XYLT1: variants seen among roughly 807,000 people sequenced by gnomAD.
XYLT1 encodes beta-D-xylosyltransferase 1.
In XYLT1, 36 loss-of-function variants were observed where a neutral mutation model predicts 91.3. The observed-to-expected ratio is 0.39, with a 90% confidence interval of 0.30 to 0.52. The LOEUF is 0.52. Ranked by LOEUF, XYLT1 falls within the 20% of genes least tolerant of loss-of-function variation. XYLT1 has a pLI of 0.68. For synonymous variants in XYLT1, 588 were observed against 532.0 expected (o/e 1.11, Z -1.45); for missense variants, 1,242 against 1,284.5 (o/e 0.97, Z 0.51).
At chr16:17,412,175 C>T (rs1330389584) in intron 1 of XYLT1, among the ~76,000 whole-genome samples, 4 of 152,080 alleles carry the variant, frequency 2.6e-5, no homozygotes, top group South Asian at 2.1e-4. Context: ...CCCCCAAAAA[C>T]GCTCCGCACA....
chr16:17,437,149 C>G (rs2036469041), intron 1 of XYLT1, among the ~76,000 whole-genome samples: 1 of 152,104 alleles, frequency 6.6e-6, no homozygotes, highest in Non-Finnish European at 1.5e-5. Flanking sequence ...GTCTGAGGCT[C>G]TCAGTCCTTA....
intron 5 of XYLT1, among the ~76,000 whole-genome samples, chr16:17,187,237 C>CA (rs2032203773): frequency 6.6e-6 from 1 of 150,984 alleles, no homozygotes; most frequent in Non-Finnish European, 1.5e-5. Flanking sequence ...ACTAAAAAGA[C>CA]AAAAAAATTA....
chr16:17,279,684 T>C (rs2042490569), intron 2 of XYLT1, among the ~76,000 whole-genome samples: 1 of 152,194 alleles, frequency 6.6e-6, no homozygotes, highest in South Asian at 2.1e-4. Context: ...TCTGGCTTCA[T>C]CCATCTCTGG....
At position 17,108,494 on chromosome 16, in the gene XYLT1, C is replaced by T. The variant is rs537705739; in HGVS notation, c.*201G>A. ...AGTCACAGTGCAGGGACTGAGCCAT[C>T]CCACCCGCAGCTTGCCAAAGGCAGG... On this transcript the variant is annotated 3_prime_UTR_variant, in exon 12 of 12. Transcript: ENST00000261381. 1.0e-3 allele frequency: 537 copies of T among 538,578 alleles called. 12 individuals are homozygous for T. The South Asian group carries it at 0.017, about 17-fold the overall frequency. 33.4% of individuals were successfully genotyped at this position (538,578 alleles called of 1,614,324 possible).
chr16:17,262,100 G>GT (rs1348578556), intron 2 of XYLT1, among the ~76,000 whole-genome samples: 3 of 152,100 alleles, frequency 2.0e-5, no homozygotes, highest in Non-Finnish European at 4.4e-5. Context: ...AGGCACCACA[G>GT]TAAGTTATTC....
chr16:17,358,157 T>A, intron 1 of XYLT1, 107 bp from the exon 2 acceptor site: 1 of 1,164,624 alleles, frequency 8.6e-7, no homozygotes, highest in Non-Finnish European at 1.2e-6. Flanking sequence ...AGAGACAGGG[T>A]CTCGCTTTGT....
At chr16:17,420,458 A>G (rs2036237356) in intron 1 of XYLT1, among the ~76,000 whole-genome samples, 1 of 152,168 alleles carries the variant, frequency 6.6e-6, no homozygotes, top group African/African-American at 2.4e-5. Flanking sequence ...AGGGTTAGGT[A>G]ATTTTTTTCA....
At position 17,433,508 on chromosome 16, in the gene XYLT1, C is replaced by T. The variant is rs528134677; in HGVS notation, c.363+36926G>A. 2.6e-5 allele frequency among the ~76,000 whole-genome samples: 4 copies of T among 152,296 alleles called. No individual in the cohort carries two copies. The South Asian group carries it at 8.3e-4, about 32-fold the overall frequency. On this transcript the variant is annotated intron_variant, in intron 1 of 11. Transcript: ENST00000261381. ...GTCTGCAGTGGCCATCTTCCCCCAG[C>T]CCACTTCAGAATCCACAAACACGCA...
At chr16:17,301,809 T>C (rs571042641) in intron 2 of XYLT1, among the ~76,000 whole-genome samples, 2 of 152,310 alleles carry the variant, frequency 1.3e-5, no homozygotes, top group East Asian at 3.9e-4. Context: ...GAGGTCAGCA[T>C]CTGAGCTGGA....
At chr16:17,411,149 A>G (rs566802578) in intron 1 of XYLT1, among the ~76,000 whole-genome samples, 2 of 152,376 alleles carry the variant, frequency 1.3e-5, no homozygotes, top group African/African-American at 2.4e-5. Flanking sequence ...AATATTATTC[A>G]TAACAGCACC....
chr16:17,114,541 T>C (rs1043240467), intron 11 of XYLT1, among the ~76,000 whole-genome samples: 1 of 152,194 alleles, frequency 6.6e-6, no homozygotes, highest in African/African-American at 2.4e-5. Flanking sequence ...GTGTTGATCA[T>C]GGCAGTGTGA....
intron 3 of XYLT1, among the ~76,000 whole-genome samples, chr16:17,223,010 G>A (rs1246440928): frequency 2.0e-5 from 3 of 150,900 alleles, no homozygotes; most frequent in Admixed American, 2.0e-4. Context: ...AATGCTTCAG[G>A]GTCAGTGTGA....
intron 3 of XYLT1, among the ~76,000 whole-genome samples, chr16:17,228,537 A>G (rs1031361315): frequency 2.6e-4 from 40 of 152,266 alleles, no homozygotes; most frequent in African/African-American, 9.6e-4. Flanking sequence ...TCCTGTCTCA[A>G]GCAGCCAATA....
chr16:17,417,473 C>T (rs544299012), intron 1 of XYLT1, among the ~76,000 whole-genome samples: 1 of 152,090 alleles, frequency 6.6e-6, no homozygotes, highest in African/African-American at 2.4e-5. Flanking sequence ...GTTAACGCGA[C>T]TTAACCTTCC....
At chr16:17,363,137 C>T (rs532064280) in intron 1 of XYLT1, among the ~76,000 whole-genome samples, 17 of 152,288 alleles carry the variant, frequency 1.1e-4, no homozygotes, top group East Asian at 3.9e-4. Context: ...ACTCATGACT[C>T]GAGCCTGCTG....
chr16:17,360,183 G>A (rs1388490013), intron 1 of XYLT1, among the ~76,000 whole-genome samples: 1 of 152,214 alleles, frequency 6.6e-6, no homozygotes, highest in African/African-American at 2.4e-5. Context: ...TTGGGTGCAT[G>A]CCCAGATTAA....
In XYLT1 at chr16:17,195,970, C is replaced by A. The variant is rs1029152175; in HGVS notation, c.1289+2242G>T. 1.1e-4 allele frequency among the ~76,000 whole-genome samples: 16 copies of A among 152,336 alleles called. No homozygotes were observed. In the South Asian group the frequency reaches 3.1e-3, roughly 30 times the overall value. ...CAAAATTGTGGTAAGTAAAATTCTA[C>A]CAGCAATGTTCTATAACCATTCCCG... is the stretch of plus-strand genomic sequence containing the variant. On this transcript the variant is annotated intron_variant, in intron 5 of 11. Transcript: ENST00000261381.
At chr16:17,379,509 G>T (rs1018991278) in intron 1 of XYLT1, among the ~76,000 whole-genome samples, 1 of 151,998 alleles carries the variant, frequency 6.6e-6, no homozygotes, top group African/African-American at 2.4e-5. Context: ...CGGAGGATGC[G>T]GGAGAGAAAT....
At chr16:17,181,049 T>C (rs557738689) in intron 5 of XYLT1, among the ~76,000 whole-genome samples, 4 of 152,322 alleles carry the variant, frequency 2.6e-5, no homozygotes, top group Admixed American at 1.3e-4. Context: ...TTCAGGTAGA[T>C]TGCAGTTGCA....
Sources: allele counts gnomAD v4.1 joint callset (sites outside exome capture counted in the v4.1 genomes callset), GRCh38; gene constraint gnomAD v4.1.1; transcripts MANE v1.5; gene names NCBI Gene and HGNC (gene_info 2026-07-23, HGNC 2026-07-21).